NBAS: variants seen among roughly 807,000 people sequenced by gnomAD.
The protein encoded by NBAS is NAG/BC035112 fusion.
Under a neutral mutation model 302.5 loss-of-function variants are expected in NBAS, and 219 were observed. The ratio of observed to expected loss-of-function variants is 0.72; its 90% CI spans 0.65 to 0.81. The LOEUF (loss-of-function observed/expected upper bound fraction) is 0.81, where lower values mean the gene tolerates loss of function less well. Among genes scored for constraint, NBAS ranks in the 30% least tolerant of loss-of-function variants. The pLI, the probability that NBAS is intolerant of heterozygous loss-of-function variation, is 0.00. For missense variants in NBAS, 2,932 were observed against 2,841.6 expected, an observed-to-expected ratio of 1.03 and a Z score of -0.72; for synonymous variants, 1,118 against 1,021.6, an observed-to-expected ratio of 1.09 and a Z score of -1.80.
At chr2:15,536,350 T>C (rs2148683918) in intron 8 of NBAS, 68 bp downstream of exon 8, 1 of 1,524,476 alleles carries the variant, frequency 6.6e-7, no homozygotes, top group Non-Finnish European at 8.9e-7. Flanking sequence ...AAAAGAAATA[T>C]CAAAATCTGA....
rs370914485 is a variant in NBAS, at chr2:15,468,652, C to T, written c.1726-119G>A. On this transcript the variant is annotated intron_variant, in intron 16 of 51. Coordinates refer to ENST00000281513, the MANE Select transcript of NBAS (RefSeq NM_015909.4). ...GTATTACAGCTATTTAGGACCTTGG[C>T]CATAGGGAGCTGCTAGAGGAACTCA... 7 of 1,158,744 alleles carry T rather than the reference C, an allele frequency of 6.0e-6. No individual in the cohort carries two copies. In the East Asian group the frequency reaches 1.2e-4, roughly 20 times the overall value. 71.8% of individuals were successfully genotyped at this position (1,158,744 alleles called of 1,614,324 possible).
intron 28 of NBAS, among the ~76,000 whole-genome samples, chr2:15,393,071 T>C (rs539180273): frequency 1.3e-5 from 2 of 152,128 alleles, no homozygotes; most frequent in African/African-American, 4.8e-5. Context: ...TTTTGACCCA[T>C]ACTTTGAACA....
chr2:15,204,674 C>T (rs1666055227), intron 48 of NBAS, among the ~76,000 whole-genome samples: 1 of 152,148 alleles, frequency 6.6e-6, no homozygotes, highest in African/African-American at 2.4e-5. Flanking sequence ...GAATACTATA[C>T]AGCCATAAAA....
At chr2:14,798,942 G>A in the NBAS span, among the ~76,000 whole-genome samples, 3 of 151,908 alleles carry the variant, frequency 2.0e-5, no homozygotes, top group Non-Finnish European at 4.4e-5. Context: ...TTAGTAATTT[G>A]TATCCTTCTT....
the NBAS span, among the ~76,000 whole-genome samples, chr2:14,913,806 T>C: frequency 6.6e-6 from 1 of 152,084 alleles, no homozygotes. Context: ...ATAAGCAGTG[T>C]TTAGAAGAAA....
intron 21 of NBAS, among the ~76,000 whole-genome samples, chr2:15,437,021 A>G (rs1678051174): frequency 6.6e-6 from 1 of 152,226 alleles, no homozygotes; most frequent in African/African-American, 2.4e-5. Flanking sequence ...TTCCTGTGGC[A>G]AAAGATTCGG....
chr2:15,319,873 A>T (rs1221724739), intron 38 of NBAS, among the ~76,000 whole-genome samples: 1 of 152,198 alleles, frequency 6.6e-6, no homozygotes, highest in Non-Finnish European at 1.5e-5. Context: ...AAAAAGAGGG[A>T]ATCTTCCCTA....
intron 35 of NBAS, among the ~76,000 whole-genome samples, chr2:15,339,250 G>C (rs1672740380): frequency 6.6e-6 from 1 of 151,934 alleles, no homozygotes; most frequent in Non-Finnish European, 1.5e-5. Flanking sequence ...ACATAATTTG[G>C]CATGCCTACT....
At chr2:15,244,514 G>A (rs1030550048) in intron 44 of NBAS, among the ~76,000 whole-genome samples, 1 of 152,184 alleles carries the variant, frequency 6.6e-6, no homozygotes, top group African/African-American at 2.4e-5. Flanking sequence ...CTGCCTCACA[G>A]TCGTGTCTGC....
the NBAS span, among the ~76,000 whole-genome samples, chr2:14,820,121 A>G: frequency 6.6e-6 from 1 of 152,248 alleles, no homozygotes. Flanking sequence ...TCAAGAAACT[A>G]AAAATTGAGC....
the NBAS span, among the ~76,000 whole-genome samples, chr2:15,026,637 T>G: frequency 8.5e-5 from 13 of 152,194 alleles, no homozygotes; most frequent in Non-Finnish European, 1.6e-4. Context: ...ATTAGCTTTT[T>G]AATGTGCTTC....
intron 35 of NBAS, among the ~76,000 whole-genome samples, chr2:15,348,827 G>A (rs1244573976): frequency 6.6e-6 from 1 of 152,048 alleles, no homozygotes; most frequent in Admixed American, 6.6e-5. Context: ...AGCACAATAA[G>A]AGCACACAGA....
the NBAS span, among the ~76,000 whole-genome samples, chr2:14,838,203 A>G: frequency 6.6e-6 from 1 of 151,966 alleles, no homozygotes; most frequent in South Asian, 2.1e-4. Flanking sequence ...TCTAAGACTC[A>G]AAGTGCCCAT....
chr2:15,019,268 A>G, the NBAS span, among the ~76,000 whole-genome samples: 1 of 152,226 alleles, frequency 6.6e-6, no homozygotes, highest in Non-Finnish European at 1.5e-5. Context: ...ATTGAGGTAT[A>G]ATGCTGAAAT....
the NBAS span, among the ~76,000 whole-genome samples, chr2:14,941,699 C>T: frequency 2.0e-5 from 3 of 152,170 alleles, no homozygotes; most frequent in South Asian, 2.1e-4. Context: ...ATTGTCATAG[C>T]GACAAATTAT....
chr2:15,263,849 C>T (rs369190396), intron 44 of NBAS, among the ~76,000 whole-genome samples: 3 of 152,114 alleles, frequency 2.0e-5, no homozygotes, highest in Admixed American at 6.6e-5. Context: ...AAGAGATCTC[C>T]CTGGCTGTCA....
the NBAS span, among the ~76,000 whole-genome samples, chr2:15,058,450 T>C: frequency 6.6e-6 from 1 of 152,226 alleles, no homozygotes; most frequent in East Asian, 1.9e-4. Flanking sequence ...AATAAAAGTT[T>C]GGCTGCTGCT....
At chr2:14,945,355 A>G in the NBAS span, among the ~76,000 whole-genome samples, 83 of 152,294 alleles carry the variant, frequency 5.4e-4, no homozygotes, top group East Asian at 0.01. Context: ...GGAATAAATA[A>G]CTAATACTTC....
At chr2:14,880,565 A>G in the NBAS span, among the ~76,000 whole-genome samples, 1 of 152,052 alleles carries the variant, frequency 6.6e-6, no homozygotes, top group Non-Finnish European at 1.5e-5. Flanking sequence ...AAGCTACATT[A>G]TAAGGTAAAA....
Sources: gnomAD v4.1 joint callset for allele counts (sites outside exome capture counted in the v4.1 genomes callset) on GRCh38, gnomAD v4.1.1 for gene constraint, MANE v1.5 for transcripts, NCBI Gene and HGNC (gene_info 2026-07-23, HGNC 2026-07-21) for gene names.